The following CTNNA2 variants were observed in gnomAD, a reference collection of about 807,000 sequenced individuals.
CTNNA2 encodes catenin alpha 2.
In CTNNA2, 42 loss-of-function variants were observed where a neutral mutation model predicts 101.0. The ratio of observed to expected loss-of-function variants is 0.42; its 90% confidence interval spans 0.32 to 0.54. The LOEUF (loss-of-function observed/expected upper bound fraction) is 0.54, where lower values mean the gene tolerates loss of function less well. Among genes scored for constraint, CTNNA2 ranks in the 20% least tolerant of loss-of-function variants. CTNNA2 has a pLI of 0.14. For synonymous variants in CTNNA2, 450 were observed against 456.4 expected (o/e 0.99, Z 0.18); for missense variants, 871 against 1,223.1 (o/e 0.71, Z 4.29).
intron 1 of CTNNA2, among the ~76,000 whole-genome samples, chr2:79,608,013 T>A (rs566862878): frequency 2.9e-4 from 44 of 151,588 alleles, no homozygotes; most frequent in African/African-American, 1.0e-3. Context: ...ATTTAGTAAG[T>A]CTCTAGCCAG....
At chr2:79,801,731 C>G (rs886858712) in intron 3 of CTNNA2, among the ~76,000 whole-genome samples, 2 of 152,118 alleles carry the variant, frequency 1.3e-5, no homozygotes, top group Non-Finnish European at 2.9e-5. Context: ...GTGGCTCATG[C>G]CTGTAATCCC....
At chr2:79,406,467 T>A (rs1246230028) in intron 4 of CTNNA2, among the ~76,000 whole-genome samples, 2 of 152,022 alleles carry the variant, frequency 1.3e-5, no homozygotes, top group Non-Finnish European at 2.9e-5. Context: ...ACCACCTCAC[T>A]CTGGAAAGAT....
At chr2:79,449,119 A>G (rs957539205) in intron 4 of CTNNA2, among the ~76,000 whole-genome samples, 7 of 151,984 alleles carry the variant, frequency 4.6e-5, no homozygotes, top group Non-Finnish European at 5.9e-5. Context: ...ACTCCCCCCA[A>G]AAAGGGGTTT....
At chr2:79,255,610 G>T (rs1360953014) in intron 2 of CTNNA2, among the ~76,000 whole-genome samples, 1 of 152,164 alleles carries the variant, frequency 6.6e-6, no homozygotes, top group East Asian at 1.9e-4. Flanking sequence ...AGGTATAAAA[G>T]ACTGGAACAT....
chr2:79,375,293 G>A (rs996677202), intron 4 of CTNNA2, among the ~76,000 whole-genome samples: 3 of 152,160 alleles, frequency 2.0e-5, no homozygotes, highest in African/African-American at 7.2e-5. Context: ...GACCAAGTTA[G>A]CCTGCAACAA....
intron 14 of CTNNA2, among the ~76,000 whole-genome samples, chr2:80,587,324 G>A (rs1378534573): frequency 1.3e-5 from 2 of 152,012 alleles, no homozygotes; most frequent in African/African-American, 2.4e-5. Context: ...CATAGACCCC[G>A]AGCCCATCCC....
chr2:80,557,020 G>A (rs1014169716), intron 12 of CTNNA2, among the ~76,000 whole-genome samples: 1 of 152,188 alleles, frequency 6.6e-6, no homozygotes, highest in African/African-American at 2.4e-5. Context: ...TTTACAAAGA[G>A]TTCTGTAGGT....
chr2:79,504,283 T>A (rs1671364614), intron 4 of CTNNA2, among the ~76,000 whole-genome samples: 1 of 152,116 alleles, frequency 6.6e-6, no homozygotes, highest in Non-Finnish European at 1.5e-5. Flanking sequence ...TACAGTTTAA[T>A]CTTTTTTTGT....
intron 3 of CTNNA2, among the ~76,000 whole-genome samples, chr2:79,750,229 T>G (rs74431837): frequency 0.039 from 6,006 of 152,310 alleles, 346 homozygotes; most frequent in African/African-American, 0.12. Context: ...TTTTCTAGAC[T>G]GAAAACTTTT....
chr2:79,884,398 C>G (rs762474855), intron 6 of CTNNA2, among the ~76,000 whole-genome samples: 1 of 152,124 alleles, frequency 6.6e-6, no homozygotes, highest in African/African-American at 2.4e-5. Flanking sequence ...ATGCTAACCT[C>G]GGTTCCTCCC....
chr2:79,524,012 A>G (rs1672262333), intron 1 of CTNNA2, among the ~76,000 whole-genome samples: 1 of 152,094 alleles, frequency 6.6e-6, no homozygotes, highest in African/African-American at 2.4e-5. Context: ...ATATACTATT[A>G]AAACTACTAT....
In CTNNA2 at chr2:80,574,315, G is replaced by C. The variant is rs1311577373; in HGVS notation, c.1893+1G>C. On this transcript the variant is annotated splice_donor_variant, in intron 13 of 18. Transcript: ENST00000402739. LOFTEE classifies it high-confidence loss of function. Reference sequence around the variant, plus strand: ...CAGAAAGGCTGTGCTGATGATCAGGGTATGTGAGGCCTCTGTAGCTCAGAG... The same window carrying C: ...CAGAAAGGCTGTGCTGATGATCAGGCTATGTGAGGCCTCTGTAGCTCAGAG... 6.2e-7 allele frequency: 1 copy of C among 1,608,136 alleles called. No homozygotes were observed. The highest frequency in any genetic ancestry group is 8.5e-7 in the Non-Finnish European group (1 of 1,175,600).
chr2:80,408,429 C>G (rs1445993872), intron 8 of CTNNA2, among the ~76,000 whole-genome samples: 2 of 152,182 alleles, frequency 1.3e-5, no homozygotes, highest in Non-Finnish European at 2.9e-5. Flanking sequence ...AGCCTGCCAT[C>G]AAATCCATCC....
intron 7 of CTNNA2, among the ~76,000 whole-genome samples, chr2:80,377,395 A>G (rs1410400644): frequency 6.6e-6 from 1 of 152,192 alleles, no homozygotes; most frequent in East Asian, 1.9e-4. Flanking sequence ...GACATGTTGT[A>G]TGCATTTTCT....
chr2:80,625,289 C>A (rs908815277), intron 18 of CTNNA2, among the ~76,000 whole-genome samples: 1 of 151,868 alleles, frequency 6.6e-6, no homozygotes, highest in African/African-American at 2.4e-5. Context: ...TCAACAGTTA[C>A]ATTAACATAA....
intron 16 of CTNNA2, among the ~76,000 whole-genome samples, chr2:80,607,448 A>C (rs1161667525): frequency 6.6e-6 from 1 of 151,820 alleles, no homozygotes; most frequent in Non-Finnish European, 1.5e-5. Context: ...TGCTTGATGG[A>C]CACCCGCCTA....
chr2:79,635,144 AGAGATGGTT>A (rs1310822248), intron 1 of CTNNA2, among the ~76,000 whole-genome samples: 1 of 152,178 alleles, frequency 6.6e-6, no homozygotes, highest in East Asian at 1.9e-4. Context: ...GAGAGAAAGA[AGAGATGGTT>A]GTCAATCAGG....
chr2:79,393,711 A>G (rs1362220512), intron 4 of CTNNA2, among the ~76,000 whole-genome samples: 1 of 151,702 alleles, frequency 6.6e-6, no homozygotes, highest in African/African-American at 2.4e-5. Context: ...GAATGTGGAC[A>G]TACTTTGTAG....
chr2:80,165,823 G>C (rs2148953600), intron 7 of CTNNA2, among the ~76,000 whole-genome samples: 1 of 152,262 alleles, frequency 6.6e-6, no homozygotes, highest in Non-Finnish European at 1.5e-5. Flanking sequence ...TCACAGTCTT[G>C]GCGTTCTACT....
Sources: gnomAD v4.1 joint callset for allele counts (sites outside exome capture counted in the v4.1 genomes callset) on GRCh38, gnomAD v4.1.1 for gene constraint, MANE v1.5 for transcripts, NCBI Gene and HGNC (gene_info 2026-07-23, HGNC 2026-07-21) for gene names.